Variants in SYT14 observed in about 807,000 individuals in gnomAD.
The protein encoded by SYT14 is synaptotagmin-14.
SYT14 carries 32 observed loss-of-function variants against 74.2 expected under a neutral mutation model. That is an observed-to-expected ratio of 0.43 (90% CI 0.33 to 0.58). The LOEUF is 0.58. Ranked by LOEUF, SYT14 falls within the 20% of genes least tolerant of loss-of-function variation. The probability of loss-of-function intolerance (pLI) is 0.05; values close to 1 mark genes in which losing one functional copy is unlikely to be tolerated. For missense variants in SYT14, 791 were observed against 981.8 expected, an observed-to-expected ratio of 0.81 and a Z score of 2.60; for synonymous variants, 298 against 337.7, an observed-to-expected ratio of 0.88 and a Z score of 1.29.
intron 5 of SYT14, among the ~76,000 whole-genome samples, chr1:210,087,104 G>C (rs970477842): frequency 1.3e-5 from 2 of 152,070 alleles, no homozygotes; most frequent in Admixed American, 6.5e-5. Flanking sequence ...CCCACATTGG[G>C]TGCCCTCATC....
intron 7 of SYT14, among the ~76,000 whole-genome samples, chr1:210,100,850 T>C (rs1355703279): frequency 1.3e-5 from 2 of 152,152 alleles, no homozygotes; most frequent in Non-Finnish European, 2.9e-5. Flanking sequence ...CCATATGTTA[T>C]TTGCTGTATG....
At position 209,951,348 on chromosome 1, in the gene SYT14, C is replaced by T. The variant is rs145443531; in HGVS notation, c.-533-1361C>T. Among the ~76,000 whole-genome samples the T allele has an allele frequency of 1.6e-4, 24 of 152,224 alleles. No individual in the cohort carries two copies. In the East Asian group the frequency reaches 4.6e-3, roughly 29 times the overall value. On this transcript the variant is annotated intron_variant, in intron 1 of 9. Transcript: ENST00000637265. ...TTCTACTCTACATCTGTGAATCTGA[C>T]TTTTGTAGATTCCACATACAAGTGA...
intron 5 of SYT14, among the ~76,000 whole-genome samples, chr1:210,085,713 C>G (rs1258793464): frequency 1.3e-5 from 2 of 152,122 alleles, no homozygotes; most frequent in Non-Finnish European, 2.9e-5. Flanking sequence ...TTAAATGTTG[C>G]ATGTATAGGA....
intron 2 of SYT14, among the ~76,000 whole-genome samples, chr1:210,010,985 A>G (rs2080076429): frequency 6.6e-6 from 1 of 152,162 alleles, no homozygotes; most frequent in South Asian, 2.1e-4. Context: ...GTTTTGTGCT[A>G]TTTCTGTTAT....
At chr1:210,161,076 C>A (rs1478661964) in exon 10 of SYT14, 1 of 1,601,444 alleles carries the variant, frequency 6.2e-7, no homozygotes, top group East Asian at 2.2e-5. Context: ...CCATCAAAGG[C>A]AGCATATTTC....
At chr1:209,963,722 C>G (rs2102722837) in intron 2 of SYT14, among the ~76,000 whole-genome samples, 2 of 152,256 alleles carry the variant, frequency 1.3e-5, no homozygotes, top group South Asian at 4.1e-4. Context: ...AGAAATATAT[C>G]TACAAAATGA....
At chr1:210,015,741 A>T (rs1238996936) in exon 4 of SYT14, 2 of 371,480 alleles carry the variant, frequency 5.4e-6, no homozygotes, top group African/African-American at 4.2e-5. Flanking sequence ...CTGCTGTTAT[A>T]ATAGCTGTGG....
chr1:210,030,464 A>G (rs986459933), intron 5 of SYT14, among the ~76,000 whole-genome samples: 17 of 152,106 alleles, frequency 1.1e-4, no homozygotes, highest in Non-Finnish European at 2.5e-4. Context: ...TGATTTGTTT[A>G]TTAGTTCTAG....
intron 2 of SYT14, among the ~76,000 whole-genome samples, chr1:209,983,546 T>G (rs1004983871): frequency 6.6e-6 from 1 of 152,188 alleles, no homozygotes. Flanking sequence ...TCAGAATGTC[T>G]ATTTGGTTTC....
intron 5 of SYT14, among the ~76,000 whole-genome samples, chr1:210,033,571 C>A (rs2080588395): frequency 6.6e-6 from 1 of 151,604 alleles, no homozygotes; most frequent in African/African-American, 2.4e-5. Context: ...GATATGTACT[C>A]ATAAGGGTAA....
intron 2 of SYT14, among the ~76,000 whole-genome samples, chr1:210,010,628 T>C (rs917543116): frequency 3.9e-5 from 6 of 152,200 alleles, no homozygotes; most frequent in African/African-American, 1.2e-4. Flanking sequence ...GTATTTACTG[T>C]ATGTTATACT....
chr1:210,002,696 A>T (rs1023129937), intron 2 of SYT14, among the ~76,000 whole-genome samples: 3 of 152,146 alleles, frequency 2.0e-5, no homozygotes, highest in Non-Finnish European at 4.4e-5. Flanking sequence ...TACATAACAA[A>T]GTTGAACACC....
At chr1:210,056,141 A>C (rs1054461635) in intron 5 of SYT14, among the ~76,000 whole-genome samples, 1 of 152,194 alleles carries the variant, frequency 6.6e-6, no homozygotes, top group Non-Finnish European at 1.5e-5. Flanking sequence ...TATGTTCTTT[A>C]AAGTACATTT....
At chr1:210,142,185 C>G (rs776997457) in intron 7 of SYT14, among the ~76,000 whole-genome samples, 5 of 152,326 alleles carry the variant, frequency 3.3e-5, no homozygotes, top group Middle Eastern at 3.4e-3. Context: ...ATTCTTCCCC[C>G]CTCCAGCATC....
At chr1:209,998,596 GA>G (rs942552847) in intron 2 of SYT14, among the ~76,000 whole-genome samples, 1 of 152,002 alleles carries the variant, frequency 6.6e-6, no homozygotes, top group African/African-American at 2.4e-5. Context: ...TATTAAAGCA[GA>G]CACATAAACC....
At chr1:210,107,906 T>C (rs1282529351) in intron 7 of SYT14, among the ~76,000 whole-genome samples, 1 of 152,182 alleles carries the variant, frequency 6.6e-6, no homozygotes, top group Non-Finnish European at 1.5e-5. Context: ...TTTCTGTCTT[T>C]GTTTTTTTAT....
At chr1:209,986,360 C>T (rs1325714641) in intron 2 of SYT14, among the ~76,000 whole-genome samples, 5 of 152,070 alleles carry the variant, frequency 3.3e-5, no homozygotes, top group African/African-American at 4.8e-5. Flanking sequence ...AGTCCTAGCA[C>T]TTTGGGAGGC....
intron 7 of SYT14, among the ~76,000 whole-genome samples, chr1:210,111,056 T>G (rs1397277527): frequency 6.6e-6 from 1 of 152,184 alleles, no homozygotes; most frequent in Non-Finnish European, 1.5e-5. Flanking sequence ...ACCATTTAAC[T>G]TATCTATGTA....
At chr1:209,962,028 T>C (rs1030843384) in intron 2 of SYT14, among the ~76,000 whole-genome samples, 3 of 152,046 alleles carry the variant, frequency 2.0e-5, no homozygotes, top group Non-Finnish European at 2.9e-5. Context: ...AGTAAAATAA[T>C]TTTTCTCTTA....
Sources: gnomAD v4.1 joint callset for allele counts (sites outside exome capture counted in the v4.1 genomes callset) on GRCh38, gnomAD v4.1.1 for gene constraint, MANE v1.5 for transcripts, NCBI Gene and HGNC (gene_info 2026-07-23, HGNC 2026-07-21) for gene names.